TRHDE: variants seen among roughly 807,000 people sequenced by gnomAD.
The protein encoded by TRHDE is thyrotropin releasing hormone degrading enzyme.
Under a neutral mutation model 125.7 loss-of-function variants are expected in TRHDE, and 72 were observed. That is an observed-to-expected ratio of 0.57 (90% CI 0.47 to 0.70). The LOEUF is 0.70. Among genes scored for constraint, TRHDE ranks in the 30% least tolerant of loss-of-function variants. The pLI is 0.00. For synonymous variants in TRHDE, 509 were observed against 509.1 expected (o/e 1.00, Z 0.00); for missense variants, 1,110 against 1,327.1 (o/e 0.84, Z 2.54).
rs1873560004 is a variant in TRHDE, at chr12:72,412,609, A to G, written c.1315+34488A>G. 1.3e-5 allele frequency among the ~76,000 whole-genome samples: 2 copies of G among 152,120 alleles called. 1 individual carries two copies. Among genetic ancestry groups the G allele is most frequent in the African/African-American group, 4.8e-5 (2 of 41,438 alleles). On this transcript the variant is annotated intron_variant, in intron 3 of 18. Coordinates refer to ENST00000261180, the MANE Select transcript of TRHDE (RefSeq NM_013381.3). Reference sequence around the variant, plus strand: ...TGTACCTCTTCAAGGTATGTGGACAACAATGTTCAAAGCAGAACTGTTTAT... The same window carrying G: ...TGTACCTCTTCAAGGTATGTGGACAGCAATGTTCAAAGCAGAACTGTTTAT...
chr12:72,543,428 A>G (rs1372324240), intron 7 of TRHDE, among the ~76,000 whole-genome samples: 2 of 151,610 alleles, frequency 1.3e-5, no homozygotes, highest in African/African-American at 4.8e-5. Flanking sequence ...CATTAGGGAC[A>G]CCTTCAGAAT....
chr12:72,420,319 G>A (rs1360282739), intron 3 of TRHDE, among the ~76,000 whole-genome samples: 2 of 152,158 alleles, frequency 1.3e-5, no homozygotes, highest in Admixed American at 1.3e-4. Context: ...TATCTTAGCA[G>A]CAACTCCTGG....
chr12:72,133,901 C>A (rs888820443), intron 2 of TRHDE, among the ~76,000 whole-genome samples: 1 of 152,178 alleles, frequency 6.6e-6, no homozygotes, highest in Non-Finnish European at 1.5e-5. Flanking sequence ...AGAGAGATAG[C>A]AAGCACTGGA....
intron 12 of TRHDE, among the ~76,000 whole-genome samples, chr12:72,577,978 A>C (rs1871074607): frequency 6.6e-6 from 1 of 152,172 alleles, no homozygotes; most frequent in Non-Finnish European, 1.5e-5. Flanking sequence ...TCATTTAGGC[A>C]AATTCTCTGG....
In TRHDE at chr12:72,273,164, AGCGGGAGCC is replaced by A; in HGVS notation, c.523_531del (p.Arg175_Pro177del). The stretch of plus-strand genomic sequence containing the variant: ...TCGGCCCAGCCGCCGTCGGAGGAGG[AGCGGGAGCC>A]GTGGGAGCCGTGGACGCAGCTGCGC... On this transcript the variant is annotated inframe_deletion, in exon 1 of 19. Transcript: ENST00000261180. This position sits in a 1 kb window ranked among gnomAD's most constrained non-coding sequence, Gnocchi z 5.3. 1 of 1,584,590 alleles carries A rather than the reference AGCGGGAGCC, an allele frequency of 6.3e-7. No individual in the cohort carries two copies. The highest frequency in any genetic ancestry group is 8.6e-7 in the Non-Finnish European group (1 of 1,162,192).
At chr12:72,096,134 T>C (rs1033605940) in intron 1 of TRHDE, among the ~76,000 whole-genome samples, 19 of 145,196 alleles carry the variant, frequency 1.3e-4, no homozygotes, top group African/African-American at 3.6e-4. Context: ...CTTATGTGTA[T>C]ACACACACAC....
chr12:72,117,997 T>A (rs936579313), intron 2 of TRHDE, among the ~76,000 whole-genome samples: 10 of 152,086 alleles, frequency 6.6e-5, no homozygotes, highest in African/African-American at 2.4e-4. Context: ...TTTCCAAATA[T>A]AAGATCGTAT....
chr12:72,390,331 A>G (rs965052027), intron 3 of TRHDE, among the ~76,000 whole-genome samples: 48 of 152,200 alleles, frequency 3.2e-4, no homozygotes, highest in African/African-American at 1.0e-3. Context: ...TCTGGAGTTA[A>G]TTATAGCCAA....
chr12:72,370,825 C>T (rs529405149), intron 2 of TRHDE, among the ~76,000 whole-genome samples: 1 of 152,150 alleles, frequency 6.6e-6, no homozygotes, highest in Non-Finnish European at 1.5e-5. Context: ...TCACTGCAAC[C>T]TCTGCCTGCA....
intron 6 of TRHDE, among the ~76,000 whole-genome samples, chr12:72,508,590 T>C (rs953959034): frequency 1.3e-5 from 2 of 152,184 alleles, no homozygotes; most frequent in Non-Finnish European, 2.9e-5. Flanking sequence ...CTAACTTGTT[T>C]GGATTTTATA....
chr12:72,358,381 A>G (rs1870917063), intron 2 of TRHDE, among the ~76,000 whole-genome samples: 1 of 151,608 alleles, frequency 6.6e-6, no homozygotes, highest in South Asian at 2.1e-4. Context: ...AATAAATAGT[A>G]AATATATTTC....
intron 10 of TRHDE, 90 bp downstream of exon 10, chr12:72,568,746 A>G (rs1039569085): frequency 1.3e-6 from 1 of 750,222 alleles, no homozygotes; most frequent in Admixed American, 2.5e-5. Context: ...ATAAAATGTG[A>G]ATAAAGACAA....
intron 3 of TRHDE, among the ~76,000 whole-genome samples, chr12:72,402,582 T>C (rs1873088496): frequency 6.6e-6 from 1 of 152,204 alleles, no homozygotes; most frequent in South Asian, 2.1e-4. Context: ...CCAGTCATAT[T>C]GAATCAGGGC....
At chr12:72,469,648 G>GA in intron 3 of TRHDE, 110 bp from the exon 4 acceptor site, 1 of 1,240,472 alleles carries the variant, frequency 8.1e-7, no homozygotes, top group South Asian at 1.3e-5. Context: ...AAATCACTAA[G>GA]TAAAATCAAG....
intron 2 of TRHDE, among the ~76,000 whole-genome samples, chr12:72,345,393 A>G (rs2135734528): frequency 6.6e-6 from 1 of 152,248 alleles, no homozygotes; most frequent in South Asian, 2.1e-4. Context: ...GAAGAGATGC[A>G]TAGTCGCACA....
chr12:72,330,160 C>T (rs1424892364), intron 2 of TRHDE, among the ~76,000 whole-genome samples: 1 of 152,136 alleles, frequency 6.6e-6, no homozygotes, highest in African/African-American at 2.4e-5. Context: ...GAAATAAAAT[C>T]GGTAACAGGC....
chr12:72,295,274 G>T (rs1408427050), intron 2 of TRHDE, among the ~76,000 whole-genome samples: 3 of 152,052 alleles, frequency 2.0e-5, no homozygotes, highest in Non-Finnish European at 4.4e-5. Context: ...CTCAGAAGGG[G>T]CAGGGCTCCT....
chr12:72,360,312 A>C (rs1238450566), intron 2 of TRHDE, among the ~76,000 whole-genome samples: 3 of 151,776 alleles, frequency 2.0e-5, no homozygotes. Context: ...AGACTGGGAG[A>C]TTTTTGCAAA....
At chr12:72,309,249 G>A (rs1868426098) in intron 2 of TRHDE, among the ~76,000 whole-genome samples, 1 of 152,158 alleles carries the variant, frequency 6.6e-6, no homozygotes, top group Admixed American at 6.5e-5. Flanking sequence ...AAGAAGAGGT[G>A]AAAAGGAGAG....
Sources: allele counts gnomAD v4.1 joint callset (sites outside exome capture counted in the v4.1 genomes callset), GRCh38; gene constraint gnomAD v4.1.1; non-coding constraint Gnocchi (gnomAD v3.1); transcripts MANE v1.5; gene names NCBI Gene and HGNC (gene_info 2026-07-23, HGNC 2026-07-21).